Variants in MACROD1 observed in about 807,000 individuals in gnomAD.
MACROD1 encodes the protein mono-ADP ribosylhydrolase 1.
In MACROD1, 31 loss-of-function variants were observed where a neutral mutation model predicts 41.4. The observed-to-expected ratio is 0.75, with a 90% CI of 0.56 to 1.01. The LOEUF (loss-of-function observed/expected upper bound fraction) is 1.01, where lower values mean the gene tolerates loss of function less well. MACROD1 is among the 50% of genes least tolerant of loss of function. The pLI, the probability that MACROD1 is intolerant of heterozygous loss-of-function variation, is 0.00. For missense variants in MACROD1, 473 were observed against 460.0 expected (o/e 1.03, Z -0.26); for synonymous variants, 252 against 203.4 (o/e 1.24, Z -2.03).
At chr11:64,077,685 T>C (rs895904670) in intron 3 of MACROD1, among the ~76,000 whole-genome samples, 1 of 152,126 alleles carries the variant, frequency 6.6e-6, no homozygotes, top group African/African-American at 2.4e-5. Flanking sequence ...CGTGCCCCCT[T>C]GTTGTCTGGG....
intron 3 of MACROD1, among the ~76,000 whole-genome samples, chr11:64,044,251 C>CT (rs34174027): frequency 0.012 from 1,746 of 140,424 alleles, 37 homozygotes; most frequent in African/African-American, 0.036. Context: ...CCCCCAACAA[C>CT]TTTTTTTTTT....
At chr11:64,089,115 A>C (rs1428336691) in intron 3 of MACROD1, among the ~76,000 whole-genome samples, 1 of 152,180 alleles carries the variant, frequency 6.6e-6, no homozygotes, top group African/African-American at 2.4e-5. Context: ...ACCCAGCCGG[A>C]AGGCAGGAGC....
In MACROD1 at chr11:64,120,196, G is replaced by A. The variant is rs1156258642; in HGVS notation, c.517+31043C>T. Among the ~76,000 whole-genome samples the A allele has an allele frequency of 6.6e-6, 1 of 152,188 alleles. No homozygotes were observed. Among genetic ancestry groups the A allele is most frequent in the Non-Finnish European group, 1.5e-5 (1 of 68,034 alleles). On this transcript the variant is annotated intron_variant, in intron 3 of 10. Coordinates refer to ENST00000255681, the MANE Select transcript of MACROD1 (RefSeq NM_014067.4). The surrounding 1 kb of genome is among the most constrained non-coding windows in gnomAD (Gnocchi z 4.5). ...CAGCCACGTGGAAAGTGGAAAAATG[G>A]GCACAGGCTCCCAGCACGGCCTGGG...
At chr11:64,157,946 C>T (rs1466497267) in intron 1 of MACROD1, among the ~76,000 whole-genome samples, 1 of 152,158 alleles carries the variant, frequency 6.6e-6, no homozygotes, top group East Asian at 1.9e-4. Flanking sequence ...AAAAGGGAGA[C>T]GGAGCACGCA....
intron 1 of MACROD1, among the ~76,000 whole-genome samples, chr11:64,155,898 C>T (rs1945660063): frequency 6.6e-6 from 1 of 151,984 alleles, no homozygotes; most frequent in Non-Finnish European, 1.5e-5. Flanking sequence ...CACCTGACAT[C>T]AGGAGTTTGA....
At chr11:64,150,289 G>A (rs973980411) in intron 3 of MACROD1, among the ~76,000 whole-genome samples, 1 of 152,226 alleles carries the variant, frequency 6.6e-6, no homozygotes, top group South Asian at 2.1e-4. Context: ...GGGGGACAGC[G>A]CTGGGGCCAG....
intron 3 of MACROD1, among the ~76,000 whole-genome samples, chr11:64,127,219 A>G (rs972776465): frequency 6.6e-6 from 1 of 152,252 alleles, no homozygotes; most frequent in African/African-American, 2.4e-5. Flanking sequence ...CTGTTTGTCT[A>G]TTTTCATAGA....
intron 3 of MACROD1, among the ~76,000 whole-genome samples, chr11:64,113,941 T>G (rs1006562764): frequency 4.8e-5 from 7 of 145,394 alleles, no homozygotes; most frequent in Non-Finnish European, 7.5e-5. Context: ...GATGCACGGA[T>G]GGATGGATGG....
chr11:64,097,393 G>A (rs1944596039), intron 3 of MACROD1, among the ~76,000 whole-genome samples: 1 of 152,256 alleles, frequency 6.6e-6, no homozygotes, highest in Non-Finnish European at 1.5e-5. Flanking sequence ...TAAAGAAGGG[G>A]AGATGTCCCG....
chr11:64,001,000 G>A (rs980104933), intron 4 of MACROD1: 1 of 192,084 alleles, frequency 5.2e-6, no homozygotes, highest in African/African-American at 2.4e-5. Context: ...ACCCCAGCTG[G>A]TTAATGAACC....
At chr11:64,138,580 C>T (rs764559863) in intron 3 of MACROD1, 54 of 984,870 alleles carry the variant, frequency 5.5e-5, no homozygotes, top group Non-Finnish European at 5.8e-5. Flanking sequence ...AAAACAGCCG[C>T]GGGCCCTGCT....
At chr11:64,112,264 A>C (rs764087580) in intron 3 of MACROD1, among the ~76,000 whole-genome samples, 2 of 152,230 alleles carry the variant, frequency 1.3e-5, no homozygotes, top group Non-Finnish European at 2.9e-5. Context: ...CTGTAATCCC[A>C]GTACTTTGAG....
At chr11:64,041,714 T>G (rs1021546394) in intron 3 of MACROD1, among the ~76,000 whole-genome samples, 16 of 152,138 alleles carry the variant, frequency 1.1e-4, no homozygotes, top group Non-Finnish European at 1.8e-4. Context: ...CTGAGCTCTC[T>G]CAAGCGACAT....
chr11:64,045,658 G>T (rs1447467771), intron 3 of MACROD1, among the ~76,000 whole-genome samples: 1 of 152,178 alleles, frequency 6.6e-6, no homozygotes, highest in South Asian at 2.1e-4. Flanking sequence ...ACTGCTCCTG[G>T]GGTCTCAAAG....
At chr11:64,123,663 G>A (rs548482317) in intron 3 of MACROD1, among the ~76,000 whole-genome samples, 1 of 152,158 alleles carries the variant, frequency 6.6e-6, no homozygotes, top group East Asian at 1.9e-4. Flanking sequence ...ACTGCCCTAG[G>A]GAAAGGGACT....
intron 3 of MACROD1, among the ~76,000 whole-genome samples, chr11:64,126,487 C>A (rs1051864255): frequency 5.3e-5 from 8 of 152,112 alleles, no homozygotes; most frequent in African/African-American, 1.9e-4. Context: ...CTGAAAGAGC[C>A]CGTACCCCCT....
Position 63,998,967 on chromosome 11 carries a change from A to G in MACROD1, c.961T>C (p.Tyr321His). The change falls in exon 9 of 11, where the codon TAC (tyrosine) becomes CAC (histidine). Residue 321 changes from tyrosine (Y) to histidine (H), a missense_variant. Transcript: ENST00000255681. ...EDIYRSRLPH[Y>H]FPVA is the part of the protein sequence containing the mutation. The stretch of plus-strand genomic sequence containing the variant: ...GCGGGGCACGTACCCACGGGGAAGT[A>G]GTGGGGGAGCCGGCTCCGGTAGATG... 3 of 1,604,128 alleles carry G rather than the reference A, an allele frequency of 1.9e-6. No individual in the cohort carries two copies. The highest frequency in any genetic ancestry group is 1.3e-5 in the African/African-American group (1 of 74,720).
At position 64,146,039 on chromosome 11, in the gene MACROD1, G is replaced by A. The variant is rs180990426; in HGVS notation, c.517+5200C>T. The stretch of plus-strand genomic sequence containing the variant: ...CCCGCCTCGGCCTCCCAAAGTGCTA[G>A]GATAACAGGCGTGAGCCACCGTGCC... On this transcript the variant is annotated intron_variant, in intron 3 of 10. Transcript: ENST00000255681. This position sits in a 1 kb window ranked among gnomAD's most constrained non-coding sequence, Gnocchi z 4.7. 6.6e-5 allele frequency among the ~76,000 whole-genome samples: 10 copies of A among 151,720 alleles called. No individual in the cohort carries two copies. In the East Asian group the frequency reaches 2.0e-3, roughly 30 times the overall value.
At chr11:64,034,612 T>G (rs1943340126) in intron 3 of MACROD1, among the ~76,000 whole-genome samples, 1 of 151,594 alleles carries the variant, frequency 6.6e-6, no homozygotes, top group African/African-American at 2.4e-5. Context: ...GAGGGCTGGG[T>G]TTGCACAGGG....
Sources: allele counts gnomAD v4.1 joint callset (sites outside exome capture counted in the v4.1 genomes callset), GRCh38; gene constraint gnomAD v4.1.1; non-coding constraint Gnocchi (gnomAD v3.1); transcripts MANE v1.5; gene names NCBI Gene and HGNC (gene_info 2026-07-23, HGNC 2026-07-21).